Variants in RPS29 observed in about 807,000 individuals in gnomAD.
RPS29 encodes the protein ribosomal protein S29, also known as small ribosomal subunit protein uS14.
For missense variants in RPS29, 60 were observed against 75.7 expected (o/e 0.79, Z 0.77); for synonymous variants, 37 against 26.9 (o/e 1.37, Z -1.16).
upstream of RPS29, among the ~76,000 whole-genome samples, chr14:49,591,096 T>G (rs1881700218): frequency 6.6e-6 from 1 of 152,142 alleles, no homozygotes; most frequent in South Asian, 2.1e-4. Context: ...ATATTTTAAT[T>G]AACTGTACAT....
chr14:49,597,524 C>G (rs1001520286), intron 1 of RPS29: 3 of 152,152 alleles, frequency 2.0e-5, no homozygotes, highest in African/African-American at 7.2e-5. Flanking sequence ...CAGGTAACTC[C>G]TATAAAGTCT....
intron 1 of RPS29, chr14:49,598,154 A>T: frequency 2.1e-6 from 1 of 475,134 alleles, no homozygotes; most frequent in East Asian, 3.3e-5. Flanking sequence ...TAAAATGTTT[A>T]ATATACGGCT....
chr14:49,582,012 C>CCAAAAAAAAAAAAAAAAAAAAAAAAAA (rs71115379), downstream of RPS29, among the ~76,000 whole-genome samples: 1 of 106,532 alleles, frequency 9.4e-6, no homozygotes, highest in African/African-American at 4.5e-5. Flanking sequence ...CCCTGCCCCC[C>CCAAAAAAAAAAAAAAAAAAAAAAAAAA]AAAAAAAAAA....
At chr14:49,595,676 A>C (rs1471639983) in intron 1 of RPS29, among the ~76,000 whole-genome samples, 1 of 152,154 alleles carries the variant, frequency 6.6e-6, no homozygotes, top group Non-Finnish European at 1.5e-5. Context: ...ATGAGCTACA[A>C]AGTGAGCAAA....
chr14:49,585,724 A>T, intron 2 of RPS29: 1 of 519,864 alleles, frequency 1.9e-6, no homozygotes, highest in Non-Finnish European at 3.4e-6. Context: ...TAGGTAAAAA[A>T]GGGAGTAGGA....
At chr14:49,598,485 T>C in exon 1 of RPS29, 3 of 702,298 alleles carry the variant, frequency 4.3e-6, no homozygotes, top group Non-Finnish European at 7.8e-6. Flanking sequence ...CAGGTGTGCC[T>C]CCGGAGAGCA....
At chr14:49,586,517 T>G (rs552395928), upstream of RPS29, 64 of 642,740 alleles carry the variant, frequency 1.0e-4, no homozygotes, top group Admixed American at 7.2e-4. Context: ...CGTTGTGGGC[T>G]GGCCCAGTTG....
At chr14:49,586,176 TC>T in intron 1 of RPS29, 108 bp downstream of exon 1, 2 of 1,400,518 alleles carry the variant, frequency 1.4e-6, no homozygotes, top group Non-Finnish European at 2.0e-6. Flanking sequence ...CACCAGCGAC[TC>T]CCAGTCGGCG....
At chr14:49,584,170 G>A (rs561972324) in intron 2 of RPS29, among the ~76,000 whole-genome samples, 1 of 152,248 alleles carries the variant, frequency 6.6e-6, no homozygotes, top group South Asian at 2.1e-4. Context: ...ACAGGTTTTC[G>A]CCATGTTGGC....
chr14:49,592,859 G>A (rs1385277562), intron 1 of RPS29, among the ~76,000 whole-genome samples: 2 of 151,466 alleles, frequency 1.3e-5, no homozygotes, highest in Non-Finnish European at 2.9e-5. Flanking sequence ...AGTGAGCCGA[G>A]ATTGCGCCAC....
chr14:49,592,984 T>C (rs1193341931), intron 1 of RPS29, among the ~76,000 whole-genome samples: 2 of 152,180 alleles, frequency 1.3e-5, no homozygotes, highest in African/African-American at 4.8e-5. Flanking sequence ...AAAGGTTACA[T>C]GTGTTTTCCT....
chr14:49,594,495 A>C (rs1450196664), intron 1 of RPS29, among the ~76,000 whole-genome samples: 1 of 152,266 alleles, frequency 6.6e-6, no homozygotes, highest in Non-Finnish European at 1.5e-5. Context: ...TCATTAGTAA[A>C]TAATCGTGGA....
downstream of RPS29, among the ~76,000 whole-genome samples, chr14:49,582,012 C>CCAAAAAAAAA (rs71115379): frequency 1.7e-4 from 18 of 106,506 alleles, no homozygotes; most frequent in African/African-American, 5.9e-4. Flanking sequence ...CCCTGCCCCC[C>CCAAAAAAAAA]AAAAAAAAAA....
chr14:49,586,350 G>A lies in RPS29; in HGVS notation c.-4C>T, dbSNP rs764629780. 4.3e-6 allele frequency: 7 copies of A among 1,613,584 alleles called. No individual in the cohort carries two copies. Among genetic ancestry groups the A allele is most frequent in the Admixed American group, 1.7e-5 (1 of 60,002 alleles). ...AGTACAGCTGCTGGTGACCCATCTT[G>A]CTCTCAGCAGTGCAACGAGGTAAAA... On this transcript the variant is annotated 5_prime_UTR_variant, in exon 1 of 3. Coordinates refer to ENST00000245458, the MANE Select transcript of RPS29 (RefSeq NM_001032.5).
chr14:49,585,708 G>C (rs902518580), intron 2 of RPS29: 12 of 510,566 alleles, frequency 2.4e-5, no homozygotes, highest in Non-Finnish European at 3.5e-5. Context: ...AACTGGCTAA[G>C]CTATCTAGGT....
downstream of RPS29, among the ~76,000 whole-genome samples, chr14:49,580,560 T>A (rs867099842): frequency 6.6e-5 from 10 of 152,236 alleles, no homozygotes; most frequent in African/African-American, 2.4e-4. Context: ...ACTAGGAATG[T>A]GTTCAATCAC....
downstream of RPS29, among the ~76,000 whole-genome samples, chr14:49,579,848 T>C (rs1445777368): frequency 6.6e-6 from 1 of 152,246 alleles, no homozygotes; most frequent in African/African-American, 2.4e-5. Context: ...TAGGCACTGA[T>C]TTCAGACAGA....
chr14:49,586,290 G>A lies in RPS29; in HGVS notation c.57C>T (p.Arg19=). The A allele has an allele frequency of 6.2e-7, 1 of 1,613,746 alleles. No individual in the cohort carries two copies. The highest frequency in any genetic ancestry group is 1.1e-5 in the South Asian group (1 of 91,076). ...SHPRKFGQGS[R]SCRVCSNRHG... is the part of the protein sequence containing the mutation. ...AATCACAAACTATTTCTCACCAAGA[G>A]CGAGAACCCTGGCCGAATTTTCGCG... The change falls in exon 1 of 3, where the codon CGC becomes CGT. Residue 19 remains arginine (R), a synonymous_variant. Transcript: ENST00000245458.
intron 1 of RPS29, chr14:49,597,406 A>T (rs543449652): frequency 2.9e-4 from 44 of 152,226 alleles, no homozygotes; most frequent in African/African-American, 9.9e-4. Context: ...CAGTTTTCCT[A>T]GCTCCCAACT....
Sources: allele counts gnomAD v4.1 joint callset (sites outside exome capture counted in the v4.1 genomes callset), GRCh38; gene constraint gnomAD v4.1.1; transcripts MANE v1.5; gene names NCBI Gene and HGNC (gene_info 2026-07-23, HGNC 2026-07-21).